Variants in PTPRC observed in about 807,000 individuals in gnomAD.
PTPRC encodes the protein receptor-type tyrosine-protein phosphatase C.
PTPRC carries 44 observed loss-of-function variants against 155.9 expected under a neutral mutation model. The ratio of observed to expected loss-of-function variants is 0.28; its 90% CI spans 0.22 to 0.36. The LOEUF (loss-of-function observed/expected upper bound fraction) is 0.36. PTPRC is among the 10% of genes least tolerant of loss of function. PTPRC has a pLI of 1.00. For synonymous variants in PTPRC, 525 were observed against 533.1 expected (o/e 0.98, Z 0.21); for missense variants, 1,401 against 1,564.6 (o/e 0.90, Z 1.76).
chr1:198,750,354 G>T, intron 28 of PTPRC, 138 bp from the exon 29 acceptor site: 1 of 895,036 alleles, frequency 1.1e-6, no homozygotes, highest in Non-Finnish European at 1.8e-6. Flanking sequence ...ATTGTTTCTT[G>T]TAAGAAACAT....
rs755739844 is a variant in PTPRC at position 198,731,699 on chromosome 1, A to C, written c.1947A>C (p.Glu649Asp). The part of the protein sequence containing the change: ...LETYKRKIAD[E>D]GRLFLAEFQS... ...CTTATAAGAGGAAGATTGCTGATGA[A>C]GGAAGACTTTTTCTGGCTGAATTTC... Residue 649 changes from glutamate to aspartate, a missense_variant, in exon 18 of 33, where the codon GAA becomes GAC. This residue lies in a region of PTPRC where 867 missense variants were observed against 970.4 expected (regional missense o/e 0.89). Coordinates refer to ENST00000442510, the MANE Select transcript of PTPRC (RefSeq NM_002838.5). 11 of 1,609,472 alleles carry C rather than the reference A, an allele frequency of 6.8e-6. No individual in the cohort carries two copies. In the East Asian group the frequency reaches 2.5e-4, roughly 36 times the overall value.
intron 14 of PTPRC, among the ~76,000 whole-genome samples, chr1:198,720,324 TA>T (rs1653826789): frequency 6.6e-6 from 1 of 152,156 alleles, no homozygotes; most frequent in African/African-American, 2.4e-5. Flanking sequence ...TATAACTTTT[TA>T]AAAAAATTTT....
chr1:198,732,582 A>T (rs1348485176), intron 20 of PTPRC, 26 bp downstream of exon 20: 4 of 1,505,298 alleles, frequency 2.7e-6, no homozygotes, highest in Non-Finnish European at 3.7e-6. Flanking sequence ...CATTTTTCTT[A>T]TACCTACATA....
chr1:198,743,846 A>G (rs1487743308), intron 25 of PTPRC, among the ~76,000 whole-genome samples: 3 of 151,860 alleles, frequency 2.0e-5, no homozygotes, highest in Non-Finnish European at 4.4e-5. Context: ...CTTTTCTGAA[A>G]AAATAATCTG....
At chr1:198,708,282 A>G in intron 10 of PTPRC, 21 bp downstream of exon 10, 2 of 1,596,124 alleles carry the variant, frequency 1.3e-6, no homozygotes, top group South Asian at 2.2e-5. Context: ...AACATTGACC[A>G]GAGAATTTTT....
At chr1:198,709,904 G>A in intron 11 of PTPRC, 80 bp downstream of exon 11, 1 of 1,549,216 alleles carries the variant, frequency 6.5e-7, no homozygotes, top group Non-Finnish European at 8.8e-7. Flanking sequence ...CATAGGAAAT[G>A]AATTGTCTTT....
chr1:198,730,560 G>C (rs979688099), intron 17 of PTPRC, among the ~76,000 whole-genome samples: 6 of 152,134 alleles, frequency 3.9e-5, no homozygotes, highest in African/African-American at 9.7e-5. Context: ...GGAATGAAGA[G>C]TACAATCAGT....
intron 10 of PTPRC, 56 bp downstream of exon 10, chr1:198,708,317 ATAT>A (rs1653108800): frequency 4.0e-6 from 6 of 1,513,964 alleles, no homozygotes; most frequent in Non-Finnish European, 5.5e-6. Flanking sequence ...GTTGTTCTAG[ATAT>A]TATTTAATCT....
At chr1:198,734,450 G>A (rs979008038) in intron 22 of PTPRC, 25 bp downstream of exon 22, 1 of 1,598,916 alleles carries the variant, frequency 6.3e-7, no homozygotes, top group Non-Finnish European at 8.6e-7. Flanking sequence ...GATTCATAGT[G>A]TGGGTCTTGG....
At chr1:198,665,262 CTT>C (rs758524383) in intron 2 of PTPRC, among the ~76,000 whole-genome samples, 15 of 139,926 alleles carry the variant, frequency 1.1e-4, no homozygotes, top group Non-Finnish European at 1.1e-4. Flanking sequence ...GCTAATTTTT[CTT>C]TTTTTTTTTT....
intron 3 of PTPRC, chr1:198,694,654 T>A: frequency 1.0e-6 from 1 of 983,850 alleles, no homozygotes; most frequent in Non-Finnish European, 1.2e-6. Flanking sequence ...TTAATAATTA[T>A]CAAGTCTATA....
intron 2 of PTPRC, among the ~76,000 whole-genome samples, chr1:198,690,954 G>A (rs1469072340): frequency 6.6e-6 from 1 of 151,984 alleles, no homozygotes. Context: ...CCATGTTAAT[G>A]CACCATGTTT....
At chr1:198,649,134 A>C (rs1217435007) in intron 2 of PTPRC, among the ~76,000 whole-genome samples, 4 of 151,730 alleles carry the variant, frequency 2.6e-5, no homozygotes, top group Non-Finnish European at 5.9e-5. Context: ...GACTAAAACA[A>C]AACAAAAAAA....
chr1:198,725,119 A>AT (rs1468227567), intron 15 of PTPRC, among the ~76,000 whole-genome samples: 1 of 151,942 alleles, frequency 6.6e-6, no homozygotes, highest in African/African-American at 2.4e-5. Flanking sequence ...TTTTTCATTC[A>AT]TTTTTTCTGG....
intron 12 of PTPRC, among the ~76,000 whole-genome samples, chr1:198,715,132 T>C (rs1653510184): frequency 6.6e-6 from 1 of 152,114 alleles, no homozygotes; most frequent in South Asian, 2.1e-4. Context: ...TTTGTTTGTT[T>C]GTTTGTTTGA....
intron 2 of PTPRC, among the ~76,000 whole-genome samples, chr1:198,643,288 T>C (rs866025888): frequency 2.4e-4 from 36 of 151,774 alleles, no homozygotes; most frequent in African/African-American, 8.2e-4. Context: ...ACAAAAGGCA[T>C]AAACTCATAG....
At chr1:198,643,392 A>T (rs1219105613) in intron 2 of PTPRC, among the ~76,000 whole-genome samples, 4 of 151,944 alleles carry the variant, frequency 2.6e-5, no homozygotes, top group African/African-American at 9.7e-5. Context: ...GAAAATTTTC[A>T]AAGAGGGAAG....
In PTPRC at chr1:198,677,459, T is replaced by C. The variant is rs550714406; in HGVS notation, c.74-14888T>C. Among the ~76,000 whole-genome samples the C allele has an allele frequency of 2.6e-5, 4 of 152,222 alleles. No homozygotes were observed. In the South Asian group the frequency reaches 6.2e-4, roughly 24 times the overall value. ...ACTAGATTCTCAATGTTGGGCCACA[T>C]TGCTATTTTTTTTTTTTCTAAAAGA... On this transcript the variant is annotated intron_variant, in intron 2 of 32. Coordinates refer to ENST00000442510, the MANE Select transcript of PTPRC (RefSeq NM_002838.5).
chr1:198,654,394 T>A (rs1419742757), intron 2 of PTPRC, among the ~76,000 whole-genome samples: 1 of 151,876 alleles, frequency 6.6e-6, no homozygotes, highest in Non-Finnish European at 1.5e-5. Context: ...ATAGCTAAGA[T>A]TTCATTCTCT....
Sources: gnomAD v4.1 joint callset for allele counts (sites outside exome capture counted in the v4.1 genomes callset) on GRCh38, gnomAD v4.1.1 for gene constraint, gnomAD v4.1.1 regional missense constraint, MANE v1.5 for transcripts, NCBI Gene and HGNC (gene_info 2026-07-23, HGNC 2026-07-21) for gene names.